CSPP1: variants seen among roughly 807,000 people sequenced by gnomAD.
CSPP1 encodes centrosome and spindle pole associated protein 1, also known as centrosome and spindle pole-associated protein 1.
A neutral mutation model predicts 164.4 loss-of-function variants in CSPP1; 126 were observed. The ratio of observed to expected loss-of-function variants is 0.77; its 90% confidence interval spans 0.66 to 0.89. The LOEUF (loss-of-function observed/expected upper bound fraction) is 0.89, where lower values mean the gene tolerates loss of function less well. Ranked by LOEUF, CSPP1 falls within the 40% of genes least tolerant of loss-of-function variation. The pLI is 0.00. For synonymous variants in CSPP1, 472 were observed against 476.7 expected, an observed-to-expected ratio of 0.99 and a Z score of 0.13; for missense variants, 1,395 against 1,449.8, an observed-to-expected ratio of 0.96 and a Z score of 0.61.
At chr8:67,145,742 G>A (rs1446420886) in intron 17 of CSPP1, among the ~76,000 whole-genome samples, 1 of 151,822 alleles carries the variant, frequency 6.6e-6, no homozygotes, top group African/African-American at 2.4e-5. Context: ...TGGCCAGGCT[G>A]GTCTCGAACT....
intron 15 of CSPP1, among the ~76,000 whole-genome samples, chr8:67,129,459 G>A (rs1008846851): frequency 6.6e-6 from 1 of 152,142 alleles, no homozygotes; most frequent in Admixed American, 6.5e-5. Context: ...GCAGTTGCAG[G>A]AAATGGCAGT....
In CSPP1 at chr8:67,074,298, T is replaced by A; in HGVS notation, c.46T>A (p.Leu16Met). The A allele has an allele frequency of 6.2e-7, 1 of 1,611,820 alleles. No homozygotes were observed. The highest frequency in any genetic ancestry group is 8.5e-7 in the Non-Finnish European group (1 of 1,179,040). The change falls in exon 2 of 31, where the codon TTG becomes ATG. Residue 16 changes from leucine to methionine, a missense_variant. Physicochemically the swap from Leu to Met is conservative, Grantham distance 15. Coordinates refer to ENST00000678616, the MANE Select transcript of CSPP1 (RefSeq NM_001382391.1). ...ATTTATTGAAGAGCAAAAAGCCAGA[T>A]TGGCCGAAGACAAAGCAGAGTTGGA... The part of the protein sequence containing the change: ...DEFIEEQKAR[L>M]AEDKAELESD...
At chr8:67,190,288 C>G (rs1835850619) in intron 28 of CSPP1, among the ~76,000 whole-genome samples, 2 of 152,114 alleles carry the variant, frequency 1.3e-5, no homozygotes, top group Admixed American at 6.5e-5. Flanking sequence ...AGATGAATCT[C>G]AAACACCTTA....
At chr8:67,123,411 C>G (rs1443062529) in intron 15 of CSPP1, among the ~76,000 whole-genome samples, 2 of 151,986 alleles carry the variant, frequency 1.3e-5, no homozygotes, top group African/African-American at 4.8e-5. Context: ...TTCTGGTTCT[C>G]TTTTAGTACT....
At chr8:67,114,289 A>G (rs1306197616) in intron 11 of CSPP1, 40 bp from the exon 12 acceptor site, 1 of 153,112 alleles carries the variant, frequency 6.5e-6, no homozygotes, top group African/African-American at 2.4e-5. Flanking sequence ...AGAGATAATA[A>G]TCTTATTTTT....
chr8:67,162,793 C>T (rs1158825170), intron 22 of CSPP1, among the ~76,000 whole-genome samples: 1 of 152,024 alleles, frequency 6.6e-6, no homozygotes, highest in Non-Finnish European at 1.5e-5. Flanking sequence ...ATTTAAGAGA[C>T]ATAGTAGTAC....
intron 17 of CSPP1, among the ~76,000 whole-genome samples, chr8:67,141,481 AAAGAGTAT>A (rs1823478613): frequency 6.6e-6 from 1 of 152,224 alleles, no homozygotes; most frequent in Non-Finnish European, 1.5e-5. Flanking sequence ...CTCATGACTT[AAAGAGTAT>A]CAGTTTATTT....
At chr8:67,169,217 A>G (rs1586691568) in intron 24 of CSPP1, among the ~76,000 whole-genome samples, 1 of 152,084 alleles carries the variant, frequency 6.6e-6, no homozygotes, top group Admixed American at 6.6e-5. Context: ...ATTTTATTTT[A>G]TTTTATTTTA....
rs139636451 is a variant in CSPP1 at position 67,120,856 on chromosome 8, C to T, written c.1697+2035C>T. Among the ~76,000 whole-genome samples the T allele has an allele frequency of 2.6e-3, 395 of 150,658 alleles. 6 individuals are homozygous for T. The highest frequency in any genetic ancestry group is 9.0e-3 in the African/African-American group (371 of 41,174). On this transcript the variant is annotated intron_variant, in intron 15 of 30. Coordinates refer to ENST00000678616, the MANE Select transcript of CSPP1 (RefSeq NM_001382391.1). The stretch of plus-strand genomic sequence containing the variant: ...GAATACTTTTTATTTATTTTTCTTT[C>T]TTTCTTTTTTTTTTTGAGACAGAGT...
chr8:67,098,318 A>G (rs1813270160), intron 7 of CSPP1, among the ~76,000 whole-genome samples: 1 of 150,662 alleles, frequency 6.6e-6, no homozygotes, highest in African/African-American at 2.4e-5. Flanking sequence ...CTTTCCTAAA[A>G]GTCAGCATCT....
At chr8:67,071,374 G>GC (rs796357742) in intron 1 of CSPP1, among the ~76,000 whole-genome samples, 1 of 132,446 alleles carries the variant, frequency 7.6e-6, no homozygotes, top group East Asian at 2.1e-4. Flanking sequence ...TATTCCCTCT[G>GC]TTTTTTTTTT....
At chr8:67,092,492 CA>C (rs1218675322) in intron 5 of CSPP1, among the ~76,000 whole-genome samples, 1 of 152,096 alleles carries the variant, frequency 6.6e-6, no homozygotes, top group Non-Finnish European at 1.5e-5. Context: ...GGCTGGAGGG[CA>C]GTGGCGGGGT....
intron 9 of CSPP1, among the ~76,000 whole-genome samples, chr8:67,110,984 C>T (rs1370611093): frequency 1.3e-5 from 2 of 152,006 alleles, no homozygotes; most frequent in Non-Finnish European, 2.9e-5. Context: ...AGTTATTAAC[C>T]TTAATGTAAT....
rs1475049465 is a variant in CSPP1 at position 67,105,973 on chromosome 8, T to G, written c.1091T>G (p.Phe364Cys). ...TGTAGTCCTTTTGCAGGGATGCTCT[T>G]TGGTAGGCACAAAACTTCCAACTAG... is the stretch of plus-strand genomic sequence containing the variant. ...DTCSPFAGMLFGGEDRELIQR... is the reference protein window; with the variant it reads ...DTCSPFAGMLCGGEDRELIQR... Residue 364 changes from phenylalanine to cysteine, a missense_variant and splice_region_variant, in exon 9 of 31, where the codon TTT becomes TGT. Coordinates refer to ENST00000678616, the MANE Select transcript of CSPP1 (RefSeq NM_001382391.1). The G allele has an allele frequency of 6.4e-7, 1 of 1,559,488 alleles. No homozygotes were observed. The highest frequency in any genetic ancestry group is 8.8e-7 in the Non-Finnish European group (1 of 1,130,538).
At chr8:67,112,874 T>C (rs1426474513) in intron 10 of CSPP1, among the ~76,000 whole-genome samples, 4 of 152,220 alleles carry the variant, frequency 2.6e-5, no homozygotes, top group African/African-American at 7.2e-5. Context: ...TCATTGTTTG[T>C]AGTCTTTCTT....
At chr8:67,136,418 A>C (rs1178059939) in intron 16 of CSPP1, among the ~76,000 whole-genome samples, 1 of 151,782 alleles carries the variant, frequency 6.6e-6, no homozygotes, top group Non-Finnish European at 1.5e-5. Flanking sequence ...AAAATACAAA[A>C]AATAACTGGG....
chr8:67,086,715 T>C (rs1463161773), intron 4 of CSPP1: 1 of 477,186 alleles, frequency 2.1e-6, no homozygotes, highest in African/African-American at 2.1e-5. Flanking sequence ...TTTTTACTGC[T>C]TTATGTTTGT....
intron 7 of CSPP1, among the ~76,000 whole-genome samples, chr8:67,099,782 A>G (rs1813637419): frequency 6.6e-6 from 1 of 152,198 alleles, no homozygotes; most frequent in African/African-American, 2.4e-5. Context: ...ATAAAGGCCA[A>G]TTTAGTAAAT....
At chr8:67,157,627 G>GA (rs1563701705) in intron 19 of CSPP1, 1 of 152,134 alleles carries the variant, frequency 6.6e-6, no homozygotes, top group African/African-American at 2.4e-5. Context: ...GTACAGACAA[G>GA]AAAAACAAAA....
Sources: allele counts gnomAD v4.1 joint callset (sites outside exome capture counted in the v4.1 genomes callset), GRCh38; gene constraint gnomAD v4.1.1; transcripts MANE v1.5; gene names NCBI Gene and HGNC (gene_info 2026-07-23, HGNC 2026-07-21).